YAE1: variants seen among roughly 807,000 people sequenced by gnomAD.
The protein encoded by YAE1 is YAE1 maturation factor of ABCE1.
In YAE1, 22 loss-of-function variants were observed where a neutral mutation model predicts 23.0. The ratio of observed to expected loss-of-function variants is 0.96; its 90% CI spans 0.68 to 1.37. The LOEUF (loss-of-function observed/expected upper bound fraction) is 1.37. Among genes scored for constraint, YAE1 ranks in the 40% most tolerant of loss-of-function variants. The pLI is 0.00. For missense variants in YAE1, 260 were observed against 262.1 expected (o/e 0.99, Z 0.06); for synonymous variants, 101 against 97.0 (o/e 1.04, Z -0.24).
chr7:39,595,812 A>G (rs1376568931), intron 2 of YAE1, among the ~76,000 whole-genome samples: 1 of 152,192 alleles, frequency 6.6e-6, no homozygotes, highest in Non-Finnish European at 1.5e-5. Flanking sequence ...TTAAAAATGA[A>G]AAGAATAGAG....
Position 39,572,394 on chromosome 7 carries a change from A to T in YAE1, c.369A>T (p.Ser123=). 1 of 1,614,140 alleles carries T rather than the reference A, an allele frequency of 6.2e-7. No individual in the cohort carries two copies. Among genetic ancestry groups the T allele is most frequent in the Non-Finnish European group, 8.5e-7 (1 of 1,179,984 alleles). ...CEEYVLKHLK[S]ITPPSHVVDL... ...AGTATGTGCTCAAACATCTGAAATC[A>T]ATCACTCCACCGTCCCATGTTGTAG... The change falls in exon 3 of 3, where the codon TCA becomes TCT. Residue 123 remains serine (S), a synonymous_variant. Coordinates refer to ENST00000223273, the MANE Select transcript of YAE1 (RefSeq NM_020192.5).
intron 2 of YAE1, among the ~76,000 whole-genome samples, chr7:39,587,133 T>C (rs1012068935): frequency 2.0e-5 from 3 of 152,046 alleles, no homozygotes; most frequent in African/African-American, 7.2e-5. Flanking sequence ...CTTGGCTCAC[T>C]GCAACCTCCG....
downstream of YAE1, among the ~76,000 whole-genome samples, chr7:39,573,719 C>CT (rs1186286196): frequency 4.6e-5 from 7 of 152,112 alleles, no homozygotes; most frequent in Non-Finnish European, 1.0e-4. Context: ...CAAAGTATAT[C>CT]TTTTCAAGAG....
rs567112464 is a variant in YAE1, at chr7:39,607,510, C to T, written c.252-2107C>T. Among the ~76,000 whole-genome samples, 5 of 152,312 alleles carry T rather than the reference C, an allele frequency of 3.3e-5. No individual in the cohort carries two copies. The East Asian group carries it at 9.6e-4, about 29-fold the overall frequency. On this transcript the variant is annotated intron_variant, in intron 2 of 2. Transcript: ENST00000432096. ...GAAATCAGGCAGCCTCTAGGCTACA[C>T]CCTGCTCACACTGATCTGAGCCCAG...
At chr7:39,574,686 T>C (rs1420074339), downstream of YAE1, among the ~76,000 whole-genome samples, 1 of 149,606 alleles carries the variant, frequency 6.7e-6, no homozygotes, top group Non-Finnish European at 1.5e-5. Flanking sequence ...TGAGCCAAGA[T>C]TGTGCCACTA....
intron 2 of YAE1, among the ~76,000 whole-genome samples, chr7:39,581,364 A>G (rs745605915): frequency 1.9e-4 from 29 of 152,364 alleles, no homozygotes; most frequent in Admixed American, 7.2e-4. Context: ...ATAATGAAAT[A>G]TGAGAGATTT....
downstream of YAE1, among the ~76,000 whole-genome samples, chr7:39,573,330 T>C (rs1035163893): frequency 1.1e-4 from 17 of 152,312 alleles, no homozygotes; most frequent in African/African-American, 4.1e-4. Context: ...CTAAGGAAAA[T>C]GCCTACTTAG....
intron 1 of YAE1, 115 bp from the exon 2 acceptor site, chr7:39,570,391 A>C: frequency 8.3e-7 from 1 of 1,203,240 alleles, no homozygotes; most frequent in Non-Finnish European, 1.2e-6. Flanking sequence ...TATTATGGTC[A>C]GTAACACAGT....
In YAE1 at chr7:39,609,914, AG is replaced by A. The variant is rs1368248368; in HGVS notation, c.550del (p.Glu184ArgfsTer28). 2 of 1,530,438 alleles carry A rather than the reference AG, an allele frequency of 1.3e-6. No homozygotes were observed. The highest frequency in any genetic ancestry group is 2.8e-5 in the African/African-American group (2 of 72,598). The allele number at this position is 1,530,438 out of a possible 1,614,324, so 94.8% of individuals were successfully genotyped here. On this transcript the variant is annotated frameshift_variant, in exon 3 of 3. Transcript: ENST00000432096. LOFTEE classifies it high-confidence loss of function. ...CAGCAGCCTGCCCCGCCTGGCCGCC[AG>A]AGGCACCTTCCAACTCCGAAACACA...
intron 2 of YAE1, among the ~76,000 whole-genome samples, chr7:39,582,176 G>A (rs879501489): frequency 2.0e-5 from 3 of 151,670 alleles, no homozygotes; most frequent in Non-Finnish European, 4.4e-5. Flanking sequence ...ATACCATGCC[G>A]GGCTAATTTT....
intron 2 of YAE1, among the ~76,000 whole-genome samples, chr7:39,601,663 G>A (rs769519770): frequency 8.6e-5 from 13 of 151,540 alleles, no homozygotes; most frequent in Non-Finnish European, 1.8e-4. Flanking sequence ...GGAGGCTGAG[G>A]CAGGAGAATC....
At chr7:39,602,848 A>T (rs540290498) in intron 2 of YAE1, among the ~76,000 whole-genome samples, 1 of 152,028 alleles carries the variant, frequency 6.6e-6, no homozygotes, top group East Asian at 2.0e-4. Flanking sequence ...TCCCATGTTC[A>T]AGCAATTCTC....
At chr7:39,581,489 AC>A (rs1790742094) in intron 2 of YAE1, among the ~76,000 whole-genome samples, 1 of 152,190 alleles carries the variant, frequency 6.6e-6, no homozygotes, top group South Asian at 2.1e-4. Context: ...GCATTGCAAA[AC>A]ACCTTTCTTC....
chr7:39,575,454 G>T (rs554684921), downstream of YAE1, among the ~76,000 whole-genome samples: 1 of 151,724 alleles, frequency 6.6e-6, no homozygotes, highest in Non-Finnish European at 1.5e-5. Context: ...AAAGCCTTCA[G>T]CCCAGTCTAA....
At chr7:39,570,280 A>G in intron 1 of YAE1, 1 of 660,448 alleles carries the variant, frequency 1.5e-6, no homozygotes, top group Non-Finnish European at 2.5e-6. Context: ...GTGTTTTAAA[A>G]ATTGCCCGGT....
At chr7:39,574,292 T>A (rs1265387516), downstream of YAE1, among the ~76,000 whole-genome samples, 2 of 152,182 alleles carry the variant, frequency 1.3e-5, no homozygotes, top group Non-Finnish European at 2.9e-5. Context: ...CGAACTTGTT[T>A]TGCCTTTTAA....
chr7:39,607,124 C>A (rs1323446952), intron 2 of YAE1, among the ~76,000 whole-genome samples: 1 of 152,140 alleles, frequency 6.6e-6, no homozygotes, highest in African/African-American at 2.4e-5. Context: ...TCTTCATCTC[C>A]AAATCATGAG....
chr7:39,577,132 G>C (rs527639816), downstream of YAE1, among the ~76,000 whole-genome samples: 1 of 152,192 alleles, frequency 6.6e-6, no homozygotes, highest in African/African-American at 2.4e-5. Flanking sequence ...CTGACCTCAG[G>C]TGATCCACCC....
chr7:39,602,552 T>A (rs1791068214), intron 2 of YAE1, among the ~76,000 whole-genome samples: 1 of 152,244 alleles, frequency 6.6e-6, no homozygotes, highest in African/African-American at 2.4e-5. Context: ...AGCATTCTTG[T>A]CTATCATAGA....
Sources: gnomAD v4.1 joint callset for allele counts (sites outside exome capture counted in the v4.1 genomes callset) on GRCh38, gnomAD v4.1.1 for gene constraint, MANE v1.5 for transcripts, NCBI Gene and HGNC (gene_info 2026-07-23, HGNC 2026-07-21) for gene names.